The following MGAM2 variants were observed in gnomAD, a reference collection of about 807,000 sequenced individuals.
MGAM2 encodes the protein maltase-glucoamylase 2 (putative), also known as probable maltase-glucoamylase 2.
MGAM2 carries 98 observed loss-of-function variants against 96.1 expected under a neutral mutation model. The observed-to-expected ratio is 1.02, with a 90% confidence interval of 0.87 to 1.21. The LOEUF is 1.21. Ranked by LOEUF, MGAM2 falls within the 50% of genes most tolerant of loss-of-function variation. The pLI is 0.00. For missense variants in MGAM2, 2,055 were observed against 1,182.4 expected (o/e 1.74, Z -10.82); for synonymous variants, 749 against 414.8 (o/e 1.81, Z -9.79).
In MGAM2 at chr7:142,197,535, C is replaced by T. The variant is rs1486869629; in HGVS notation, c.4768C>T (p.Pro1590Ser). The T allele has an allele frequency of 2.8e-6, 2 of 703,074 alleles. No individual in the cohort carries two copies. The highest frequency in any genetic ancestry group is 5.4e-5 in the East Asian group (2 of 37,292). The allele number at this position is 703,074 out of a possible 1,614,324, so 43.6% of individuals were successfully genotyped here. A position where few individuals can be genotyped will look rare whatever the true frequency, so the allele number is the denominator to read the frequency against. The change falls in exon 41 of 48, where the codon CCC (proline) becomes TCC (serine). Residue 1590 changes from proline to serine, a missense_variant. Physicochemically the swap from Pro to Ser is moderately conservative, Grantham distance 74 (BLOSUM62 -1). Transcript: ENST00000477922. ...CGTTGAGGGCAGCACAGTTGTCCGG[C>T]CCCTTCTCCATGAGTGAGTACAGCC... Reference protein sequence around the residue: ...AHVEGSTVVRPLLHEFTDDRT... With the variant: ...AHVEGSTVVRSLLHEFTDDRT...
At chr7:142,153,910 ATGT>A in intron 15 of MGAM2, 105 bp from the exon 16 acceptor site, 1 of 485,632 alleles carries the variant, frequency 2.1e-6, no homozygotes. Flanking sequence ...TGACACCCTC[ATGT>A]TGTTTTCTCA....
intron 3 of MGAM2, among the ~76,000 whole-genome samples, chr7:142,121,303 G>A (rs1310470371): frequency 6.7e-6 from 1 of 149,082 alleles, no homozygotes; most frequent in Non-Finnish European, 1.5e-5. Context: ...TCAGCCTCCC[G>A]AGGAGCTGGG....
intron 35 of MGAM2, among the ~76,000 whole-genome samples, chr7:142,187,205 AC>A (rs1796726512): frequency 1.3e-5 from 2 of 152,214 alleles, no homozygotes; most frequent in Admixed American, 1.3e-4. Context: ...GTTACATATA[AC>A]TTTTTAGAAA....
At chr7:142,114,212 AAG>A (rs1291753105) in intron 1 of MGAM2, among the ~76,000 whole-genome samples, 1 of 107,130 alleles carries the variant, frequency 9.3e-6, no homozygotes, top group African/African-American at 4.0e-5. Context: ...GAAAGAAAGA[AAG>A]AGAGAAAGAA....
chr7:142,161,268 T>C (rs1423716035), intron 22 of MGAM2, 55 bp downstream of exon 22: 14 of 696,100 alleles, frequency 2.0e-5, no homozygotes, highest in Non-Finnish European at 5.2e-6. Context: ...CCCTGAAAAT[T>C]AGTCATCATA....
chr7:142,190,414 G>A lies in MGAM2; in HGVS notation c.4346+909G>A, dbSNP rs147410450. Reference sequence around the variant, plus strand: ...AGACTCCCGAGTAGCTGGGATTACAGGCATAAGTCACCATGCCTGGCTAAT... The same window carrying A: ...AGACTCCCGAGTAGCTGGGATTACAAGCATAAGTCACCATGCCTGGCTAAT... On this transcript the variant is annotated intron_variant, in intron 37 of 47. Transcript: ENST00000477922. Among the ~76,000 whole-genome samples the A allele has an allele frequency of 1.3e-4, 19 of 151,966 alleles. No individual in the cohort carries two copies. The East Asian group carries it at 3.7e-3, about 30-fold the overall frequency.
rs1302226664 is a variant in MGAM2, at chr7:142,138,625, G to C, written c.1044G>C (p.Leu348Phe). ...GGGACTATGGTGGCATCAATAAATT[G>C]AAAGAAGTTGTAAGCCGAAATCGTT... ...SRRDYGGINK[L>F]KEVVSRNRLA... Residue 348 changes from leucine (L) to phenylalanine (F), a missense_variant, in exon 10 of 48, where the codon TTG becomes TTC. Coordinates refer to ENST00000477922, the MANE Select transcript of MGAM2 (RefSeq NM_001293626.2). 2.8e-6 allele frequency: 2 copies of C among 702,956 alleles called. No individual in the cohort carries two copies. Among genetic ancestry groups the C allele is most frequent in the Admixed American group, 4.0e-5 (2 of 50,012 alleles). The allele number at this position is 702,956 out of a possible 1,614,324, so 43.5% of individuals were successfully genotyped here.
intron 26 of MGAM2, among the ~76,000 whole-genome samples, chr7:142,168,347 G>A (rs1185832837): frequency 6.6e-6 from 1 of 151,300 alleles, no homozygotes; most frequent in Non-Finnish European, 1.5e-5. Flanking sequence ...TTGGCTCACT[G>A]GAACCTCTGC....
Position 142,186,048 on chromosome 7 carries a change from G to C in MGAM2, c.4047G>C (p.Trp1349Cys). Residue 1349 changes from tryptophan (W) to cysteine (C), a missense_variant, in exon 35 of 48, where the codon TGG becomes TGC. Physicochemically the swap from Trp to Cys is radical, Grantham distance 215. Coordinates refer to ENST00000477922, the MANE Select transcript of MGAM2 (RefSeq NM_001293626.2). ...TTCGTAATAGCACAGCTGCGTGGTG[G>C]AAGAAAGAGATAGAAGAGCTCTATG... Reference protein sequence around the residue: ...DFFRNSTAAWWKKEIEELYAN... With the variant: ...DFFRNSTAAWCKKEIEELYAN... The C allele has an allele frequency of 4.3e-6, 3 of 705,384 alleles. No homozygotes were observed. Among genetic ancestry groups the C allele is most frequent in the Middle Eastern group, 2.3e-4 (1 of 4,376 alleles). The allele number at this position is 705,384 out of a possible 1,614,324, so 43.7% of individuals were successfully genotyped here.
intron 32 of MGAM2, among the ~76,000 whole-genome samples, chr7:142,176,708 A>G (rs1023255840): frequency 2.0e-5 from 3 of 152,186 alleles, no homozygotes; most frequent in Admixed American, 6.5e-5. Context: ...GCAATAAAGA[A>G]GTTTCTTGTT....
At chr7:142,140,039 T>C (rs1289780077) in intron 10 of MGAM2, among the ~76,000 whole-genome samples, 10 of 152,138 alleles carry the variant, frequency 6.6e-5, no homozygotes, top group Non-Finnish European at 1.2e-4. Context: ...ACATTTTCCT[T>C]CAGGCCTGTA....
At chr7:142,194,463 C>T (rs914358613) in intron 37 of MGAM2, among the ~76,000 whole-genome samples, 28 of 152,160 alleles carry the variant, frequency 1.8e-4, no homozygotes, top group Admixed American at 1.3e-3. Flanking sequence ...TATCTTCCTG[C>T]CTTATTCCAG....
intron 3 of MGAM2, among the ~76,000 whole-genome samples, chr7:142,124,492 T>C (rs1472169916): frequency 2.6e-5 from 4 of 152,170 alleles, no homozygotes; most frequent in Non-Finnish European, 5.9e-5. Flanking sequence ...TAATGTGTGG[T>C]TGTAGAAGTC....
At chr7:142,112,872 CTGAT>C (rs763119348) in intron 1 of MGAM2, among the ~76,000 whole-genome samples, 73 of 152,094 alleles carry the variant, frequency 4.8e-4, no homozygotes, top group Non-Finnish European at 1.0e-3. Context: ...AGAGAGACAA[CTGAT>C]TAATTTAGGT....
chr7:142,188,636 C>A (rs1796777244), intron 36 of MGAM2, among the ~76,000 whole-genome samples: 1 of 152,154 alleles, frequency 6.6e-6, no homozygotes, highest in African/African-American at 2.4e-5. Context: ...GTTTGACTTG[C>A]AATGGTCTGA....
chr7:142,126,486 A>ATT (rs572146266), intron 3 of MGAM2, among the ~76,000 whole-genome samples: 3 of 144,984 alleles, frequency 2.1e-5, no homozygotes, highest in African/African-American at 7.5e-5. Context: ...CATTTGGGCA[A>ATT]TTTTTTTTTT....
chr7:142,212,412 T>C (rs1797614099), intron 46 of MGAM2, among the ~76,000 whole-genome samples: 1 of 152,036 alleles, frequency 6.6e-6, no homozygotes, highest in Admixed American at 6.6e-5. Flanking sequence ...GACTGGCAAA[T>C]TGGATAAAGA....
At chr7:142,144,167 A>ATT (rs1322914503) in intron 13 of MGAM2, among the ~76,000 whole-genome samples, 4 of 152,166 alleles carry the variant, frequency 2.6e-5, no homozygotes, top group African/African-American at 9.7e-5. Context: ...GTTTTATTAA[A>ATT]ACAGTATTAT....
At chr7:142,204,265 C>T (rs1054129754) in intron 45 of MGAM2, among the ~76,000 whole-genome samples, 3 of 151,734 alleles carry the variant, frequency 2.0e-5, no homozygotes, top group African/African-American at 7.3e-5. Flanking sequence ...TTTTAAATTT[C>T]TCCTAACAGT....
Sources: gnomAD v4.1 joint callset for allele counts (sites outside exome capture counted in the v4.1 genomes callset) on GRCh38, gnomAD v4.1.1 for gene constraint, MANE v1.5 for transcripts, NCBI Gene and HGNC (gene_info 2026-07-23, HGNC 2026-07-21) for gene names.